The following EPHB1 variants were observed in gnomAD, a reference collection of about 807,000 sequenced individuals.
The protein encoded by EPHB1 is EPH receptor B1.
Under a neutral mutation model 94.4 loss-of-function variants are expected in EPHB1, and 30 were observed. That is an observed-to-expected ratio of 0.32 (90% CI 0.24 to 0.43). The LOEUF is 0.43. Ranked by LOEUF, EPHB1 falls within the 20% of genes least tolerant of loss-of-function variation. EPHB1 has a pLI of 1.00. For missense variants in EPHB1, 1,055 were observed against 1,308.3 expected (o/e 0.81, Z 2.99); for synonymous variants, 522 against 489.1 (o/e 1.07, Z -0.89).
At chr3:134,890,400 A>C (rs1432805207) in intron 1 of EPHB1, among the ~76,000 whole-genome samples, 1 of 152,230 alleles carries the variant, frequency 6.6e-6, no homozygotes, top group Non-Finnish European at 1.5e-5. Flanking sequence ...GTTGTATGGA[A>C]ATACCTCAAT....
At chr3:134,886,175 T>C (rs1261434029) in intron 1 of EPHB1, among the ~76,000 whole-genome samples, 1 of 152,170 alleles carries the variant, frequency 6.6e-6, no homozygotes, top group African/African-American at 2.4e-5. Context: ...TTTCCACAAG[T>C]GTGACAGTAG....
In EPHB1 at chr3:134,852,893, G is replaced by T. The variant is rs145360854; in HGVS notation, c.58+57204G>T. ...CAGGTTGGGGTATCTGAGCCCTAGG[G>T]CTGACTGTGCTGCCCACTGCTGTGA... is the stretch of plus-strand genomic sequence containing the variant. On this transcript the variant is annotated intron_variant, in intron 1 of 15. Transcript: ENST00000398015. Among the ~76,000 whole-genome samples the T allele has an allele frequency of 1.6e-3, 241 of 152,260 alleles. 1 individual carries two copies. The highest frequency in any genetic ancestry group is 0.013 in the South Asian group (61 of 4,824).
chr3:134,943,348 C>T (rs1238945548), intron 2 of EPHB1, among the ~76,000 whole-genome samples: 1 of 152,052 alleles, frequency 6.6e-6, no homozygotes, highest in Non-Finnish European at 1.5e-5. Flanking sequence ...AGGATATGGC[C>T]CTGCTTTGGG....
chr3:135,193,100 A>G (rs758876100), intron 11 of EPHB1, among the ~76,000 whole-genome samples: 3 of 152,232 alleles, frequency 2.0e-5, no homozygotes, highest in African/African-American at 4.8e-5. Flanking sequence ...TGGCATCTGC[A>G]TGAATCACAG....
intron 1 of EPHB1, among the ~76,000 whole-genome samples, chr3:134,831,399 C>T (rs970387810): frequency 2.0e-5 from 3 of 152,194 alleles, no homozygotes; most frequent in Admixed American, 1.3e-4. Flanking sequence ...CAGATACTCT[C>T]GGGCCATGGC....
At chr3:135,092,234 G>C (rs531125692) in intron 3 of EPHB1, among the ~76,000 whole-genome samples, 8 of 152,204 alleles carry the variant, frequency 5.3e-5, no homozygotes, top group African/African-American at 1.9e-4. Flanking sequence ...TGTCCTTGTT[G>C]ATGCTGCAGA....
chr3:135,164,174 T>C (rs181756118), intron 7 of EPHB1, among the ~76,000 whole-genome samples: 108 of 152,366 alleles, frequency 7.1e-4, no homozygotes, highest in East Asian at 1.9e-4. Flanking sequence ...ATCGCCAACT[T>C]TATGTTTTAA....
At chr3:134,986,416 T>C (rs541129651) in intron 3 of EPHB1, among the ~76,000 whole-genome samples, 6 of 152,324 alleles carry the variant, frequency 3.9e-5, no homozygotes, top group East Asian at 1.9e-4. Context: ...AGCATGTGCA[T>C]TGACATATGT....
Position 134,952,132 on chromosome 3 carries a change from C to T in EPHB1, c.805+80C>T, listed in dbSNP as rs546652844. The stretch of plus-strand genomic sequence containing the variant: ...GGTTTCCCCACCAATAATTCTGGGT[C>T]ATACAGGAACAGAAAATAGTCTAAT... On this transcript the variant is annotated intron_variant, in intron 3 of 15. Transcript: ENST00000398015. 41 of 1,415,194 alleles carry T rather than the reference C, an allele frequency of 2.9e-5. No homozygotes were observed. The African/African-American group carries it at 5.2e-4, about 18-fold the overall frequency. 87.7% of individuals were successfully genotyped at this position (1,415,194 alleles called of 1,614,324 possible). A position where few individuals can be genotyped will look rare whatever the true frequency, so the allele number is the denominator to read the frequency against.
intron 3 of EPHB1, among the ~76,000 whole-genome samples, chr3:135,082,482 T>C (rs1050884101): frequency 6.6e-6 from 1 of 152,192 alleles, no homozygotes; most frequent in Non-Finnish European, 1.5e-5. Flanking sequence ...GGTTAGTGAC[T>C]TGCCTGTGGT....
In EPHB1 at chr3:135,132,760, G is replaced by T. The variant is rs759815434; in HGVS notation, c.1008G>T (p.Thr336=). The change falls in exon 5 of 16, where the codon ACG becomes ACT. Residue 336 remains threonine (T), a synonymous_variant. Coordinates refer to ENST00000398015, the MANE Select transcript of EPHB1 (RefSeq NM_004441.5). The stretch of plus-strand genomic sequence containing the variant: ...ATGTTATCTCCATCGTCAATGAGAC[G>T]TCCATCATTCTGGAGTGGCACCCTC... The part of the protein sequence containing the change: ...PRNVISIVNE[T]SIILEWHPPR... 1 of 1,610,400 alleles carries T rather than the reference G, an allele frequency of 6.2e-7. No homozygotes were observed.
At chr3:135,107,355 T>G (rs1939257398) in intron 4 of EPHB1, among the ~76,000 whole-genome samples, 1 of 152,212 alleles carries the variant, frequency 6.6e-6, no homozygotes, top group Admixed American at 6.5e-5. Flanking sequence ...TCTCCCAATA[T>G]TCTCCCCAAT....
intron 1 of EPHB1, among the ~76,000 whole-genome samples, chr3:134,856,337 C>G (rs1021325300): frequency 6.6e-6 from 1 of 152,166 alleles, no homozygotes; most frequent in Non-Finnish European, 1.5e-5. Flanking sequence ...CCAGCCTCCC[C>G]TCAGTGTGAG....
intron 12 of EPHB1, among the ~76,000 whole-genome samples, chr3:135,232,161 T>G (rs1265213844): frequency 1.3e-5 from 2 of 152,236 alleles, no homozygotes; most frequent in African/African-American, 4.8e-5. Flanking sequence ...CCTTCTTAGT[T>G]GTTATGAGTC....
chr3:135,061,371 C>CCT (rs778277612), intron 3 of EPHB1, among the ~76,000 whole-genome samples: 3 of 124,704 alleles, frequency 2.4e-5, no homozygotes, highest in Non-Finnish European at 5.0e-5. Flanking sequence ...AATGACCACC[C>CCT]CCCCCGACCC....
At chr3:135,226,856 T>C (rs1364069475) in intron 12 of EPHB1, among the ~76,000 whole-genome samples, 1 of 151,120 alleles carries the variant, frequency 6.6e-6, no homozygotes, top group African/African-American at 2.4e-5. Flanking sequence ...AAAGAAATCA[T>C]GTCCTTTGCA....
chr3:134,943,284 A>G (rs780778692), intron 2 of EPHB1, among the ~76,000 whole-genome samples: 2 of 152,208 alleles, frequency 1.3e-5, no homozygotes, highest in Non-Finnish European at 2.9e-5. Flanking sequence ...TCAGAACATC[A>G]GCAACAACAT....
intron 1 of EPHB1, among the ~76,000 whole-genome samples, chr3:134,882,765 C>CTTTCTTTTTTCTTT: frequency 1.3e-5 from 1 of 79,882 alleles, no homozygotes; most frequent in East Asian, 3.7e-4. Flanking sequence ...TTCCTTCCTT[C>CTTTCTTTTTTCTTT]CTTTCTTTCT....
chr3:134,873,014 C>G (rs2037534432), intron 1 of EPHB1, among the ~76,000 whole-genome samples: 2 of 152,220 alleles, frequency 1.3e-5, no homozygotes, highest in African/African-American at 4.8e-5. Flanking sequence ...GTTTTAGCCA[C>G]AATTCACACA....
Sources: gnomAD v4.1 joint callset for allele counts (sites outside exome capture counted in the v4.1 genomes callset) on GRCh38, gnomAD v4.1.1 for gene constraint, MANE v1.5 for transcripts, NCBI Gene and HGNC (gene_info 2026-07-23, HGNC 2026-07-21) for gene names.